CACNB2: variants seen among roughly 807,000 people sequenced by gnomAD.
The protein encoded by CACNB2 is calcium voltage-gated channel auxiliary subunit beta 2, also known as voltage-dependent L-type calcium channel subunit beta-2.
CACNB2 carries 42 observed loss-of-function variants against 73.3 expected under a neutral mutation model. The ratio of observed to expected loss-of-function variants is 0.57; its 90% CI spans 0.45 to 0.74. The LOEUF (loss-of-function observed/expected upper bound fraction) is 0.74, where lower values mean the gene tolerates loss of function less well. Ranked by LOEUF, CACNB2 falls within the 30% of genes least tolerant of loss-of-function variation. The pLI is 0.00. For synonymous variants in CACNB2, 348 were observed against 310.3 expected (o/e 1.12, Z -1.28); for missense variants, 940 against 853.0 (o/e 1.10, Z -1.27).
intron 2 of CACNB2, among the ~76,000 whole-genome samples, chr10:18,363,197 T>C (rs1295585133): frequency 6.6e-6 from 1 of 152,204 alleles, no homozygotes; most frequent in Non-Finnish European, 1.5e-5. Flanking sequence ...TCCCAGCCCC[T>C]TGTGTTAAAA....
intron 3 of CACNB2, among the ~76,000 whole-genome samples, chr10:18,475,211 C>T (rs528422393): frequency 6.6e-6 from 1 of 152,048 alleles, no homozygotes; most frequent in Admixed American, 6.6e-5. Context: ...CTCAGATCTC[C>T]ATCCTTTTGG....
At chr10:18,194,040 G>A (rs1342471973) in intron 2 of CACNB2, among the ~76,000 whole-genome samples, 1 of 152,172 alleles carries the variant, frequency 6.6e-6, no homozygotes, top group Admixed American at 6.5e-5. Context: ...AGACCTTTTG[G>A]AGAAGCTGTG....
intron 2 of CACNB2, among the ~76,000 whole-genome samples, chr10:18,312,687 AG>A (rs1448467401): frequency 1.3e-5 from 2 of 152,180 alleles, no homozygotes; most frequent in Non-Finnish European, 2.9e-5. Flanking sequence ...ACACTGAATT[AG>A]ATTTGGCCTT....
At chr10:18,481,288 C>T (rs368875832) in intron 3 of CACNB2, among the ~76,000 whole-genome samples, 67 of 110,476 alleles carry the variant, frequency 6.1e-4, no homozygotes, top group African/African-American at 2.1e-3. Flanking sequence ...GCTCTGTCTC[C>T]CAGGCTGGAA....
chr10:18,427,492 T>C (rs1023743012), intron 3 of CACNB2, among the ~76,000 whole-genome samples: 28 of 152,212 alleles, frequency 1.8e-4, no homozygotes, highest in African/African-American at 5.1e-4. Flanking sequence ...TACTGCTGTC[T>C]TAAAGTTTTT....
At chr10:18,151,004 A>G (rs376027297) in intron 2 of CACNB2, 29 bp downstream of exon 2, 2 of 1,327,946 alleles carry the variant, frequency 1.5e-6, no homozygotes, top group South Asian at 1.2e-5. Flanking sequence ...TGGTTTTGAT[A>G]AGTACCTTAA....
intron 3 of CACNB2, among the ~76,000 whole-genome samples, chr10:18,402,473 T>C (rs1423063983): frequency 6.6e-6 from 1 of 152,158 alleles, no homozygotes. Context: ...TTTTACTTCA[T>C]AGGTGTTTTA....
intron 2 of CACNB2, among the ~76,000 whole-genome samples, chr10:18,270,695 CA>C (rs976422529): frequency 6.6e-6 from 1 of 152,130 alleles, no homozygotes; most frequent in Non-Finnish European, 1.5e-5. Context: ...TGCTCCTCCA[CA>C]GAGGCTGTTC....
At chr10:18,197,799 G>A (rs956381688) in intron 2 of CACNB2, among the ~76,000 whole-genome samples, 2 of 152,052 alleles carry the variant, frequency 1.3e-5, no homozygotes, top group Admixed American at 6.6e-5. Flanking sequence ...CTCCTGGGGC[G>A]TGAGGCCTCT....
At chr10:18,157,246 C>T (rs1333022300) in intron 2 of CACNB2, among the ~76,000 whole-genome samples, 1 of 152,282 alleles carries the variant, frequency 6.6e-6, no homozygotes, top group East Asian at 1.9e-4. Flanking sequence ...CAGTTTTCTT[C>T]AAGAAGCTGG....
chr10:18,454,473 G>A lies in CACNB2; in HGVS notation c.334-43882G>A, dbSNP rs1044721091. On this transcript the variant is annotated intron_variant, in intron 3 of 13. Transcript: ENST00000324631. ...GTGTATTTTTCTAGGTACTGTATGT[G>A]TATCTCTACTTTATACTCAAAATGA... 2.5e-4 allele frequency among the ~76,000 whole-genome samples: 38 copies of A among 152,188 alleles called. 1 individual carries two copies. Among genetic ancestry groups the A allele is most frequent in the African/African-American group, 8.4e-4 (35 of 41,528 alleles).
chr10:18,324,261 C>A (rs1240444386), intron 2 of CACNB2, among the ~76,000 whole-genome samples: 1 of 152,064 alleles, frequency 6.6e-6, no homozygotes, highest in Non-Finnish European at 1.5e-5. Context: ...AAACAATATG[C>A]AATGGATAAT....
intron 3 of CACNB2, among the ~76,000 whole-genome samples, chr10:18,407,109 CTTTTTTTTTTTT>C (rs71507267): frequency 0.082 from 2,929 of 35,822 alleles, 111 homozygotes; most frequent in Middle Eastern, 0.22. Context: ...GCTGTTCTGT[CTTTTTTTTTTTT>C]TTTTTTTTTT....
intron 2 of CACNB2, chr10:18,400,477 C>CT (rs1410746308): frequency 1.5e-5 from 9 of 583,294 alleles, no homozygotes; most frequent in Admixed American, 5.8e-5. Flanking sequence ...TTGACATAGA[C>CT]TAACAGTGTG....
chr10:18,200,519 T>A (rs937644363), intron 2 of CACNB2, among the ~76,000 whole-genome samples: 2 of 151,842 alleles, frequency 1.3e-5, no homozygotes, highest in South Asian at 4.1e-4. Flanking sequence ...AAAGTAAATA[T>A]TTTAAAATAA....
At chr10:18,142,887 A>G (rs1362088277) in intron 1 of CACNB2, among the ~76,000 whole-genome samples, 2 of 152,220 alleles carry the variant, frequency 1.3e-5, no homozygotes, top group African/African-American at 4.8e-5. Flanking sequence ...CTTCAAAGGA[A>G]TAAGGATAAT....
At chr10:18,430,865 G>A (rs1216656640) in intron 3 of CACNB2, among the ~76,000 whole-genome samples, 4 of 152,214 alleles carry the variant, frequency 2.6e-5, no homozygotes. Flanking sequence ...TGTATTTGCA[G>A]TTAGTGTCAA....
At chr10:18,437,049 A>G (rs1265579506) in intron 3 of CACNB2, among the ~76,000 whole-genome samples, 1 of 152,220 alleles carries the variant, frequency 6.6e-6, no homozygotes, top group Non-Finnish European at 1.5e-5. Flanking sequence ...AAGTCACCTG[A>G]TACATTTGAC....
chr10:18,427,113 G>A (rs1399165172), intron 3 of CACNB2, among the ~76,000 whole-genome samples: 4 of 151,694 alleles, frequency 2.6e-5, no homozygotes, highest in Non-Finnish European at 4.4e-5. Flanking sequence ...GCGCCACCAC[G>A]CCCGGCTAAT....
Sources: allele counts gnomAD v4.1 joint callset (sites outside exome capture counted in the v4.1 genomes callset), GRCh38; gene constraint gnomAD v4.1.1; transcripts MANE v1.5; gene names NCBI Gene and HGNC (gene_info 2026-07-23, HGNC 2026-07-21).